PDSS2: variants seen among roughly 807,000 people sequenced by gnomAD.
The protein encoded by PDSS2 is decaprenyl diphosphate synthase subunit 2.
Under a neutral mutation model 44.5 loss-of-function variants are expected in PDSS2, and 31 were observed. That is an observed-to-expected ratio of 0.70 (90% CI 0.52 to 0.94). The LOEUF is 0.94. Among genes scored for constraint, PDSS2 ranks in the 40% least tolerant of loss-of-function variants. The pLI, the probability that PDSS2 is intolerant of heterozygous loss-of-function variation, is 0.00. For missense variants in PDSS2, 452 were observed against 482.2 expected, an observed-to-expected ratio of 0.94 and a Z score of 0.59; for synonymous variants, 157 against 180.3, an observed-to-expected ratio of 0.87 and a Z score of 1.03.
chr6:107,336,762 A>C (rs902914083), intron 1 of PDSS2, among the ~76,000 whole-genome samples: 3 of 149,910 alleles, frequency 2.0e-5, no homozygotes, highest in Admixed American at 6.7e-5. Context: ...CCTTTCTTTT[A>C]TAATAAAGAG....
Position 107,397,098 on chromosome 6 carries a change from A to T in PDSS2, c.296+61892T>A, listed in dbSNP as rs74912522. Among the ~76,000 whole-genome samples the T allele has an allele frequency of 9.0e-3, 1,373 of 152,204 alleles. 48 individuals carry two copies. The East Asian group carries it at 0.12, about 13-fold the overall frequency. ...CTATTTTCAAAAATCTCAAGGGTGA[A>T]ACTGTCAGTTGTCTGTGTAGGCATC... On this transcript the variant is annotated intron_variant, in intron 1 of 7. Coordinates refer to ENST00000369037, the MANE Select transcript of PDSS2 (RefSeq NM_020381.4).
At chr6:107,371,976 TAGTTG>T (rs1779139286) in intron 1 of PDSS2, among the ~76,000 whole-genome samples, 1 of 152,376 alleles carries the variant, frequency 6.6e-6, no homozygotes, top group East Asian at 1.9e-4. Flanking sequence ...AACTTACTTA[TAGTTG>T]AACCAAGGCA....
At chr6:107,331,860 A>T (rs377001775) in intron 2 of PDSS2, among the ~76,000 whole-genome samples, 1 of 152,096 alleles carries the variant, frequency 6.6e-6, no homozygotes, top group African/African-American at 2.4e-5. Flanking sequence ...GGTGCTCATT[A>T]TCTGTATGTG....
At chr6:107,364,952 G>C (rs1021599518) in intron 1 of PDSS2, among the ~76,000 whole-genome samples, 1 of 152,180 alleles carries the variant, frequency 6.6e-6, no homozygotes, top group Non-Finnish European at 1.5e-5. Flanking sequence ...GGGGGAGGCG[G>C]GGAAGGCTTG....
chr6:107,250,077 C>G (rs1364740060), intron 3 of PDSS2, among the ~76,000 whole-genome samples: 1 of 151,836 alleles, frequency 6.6e-6, no homozygotes, highest in Non-Finnish European at 1.5e-5. Flanking sequence ...TGATGAATAC[C>G]CTCACAAAGG....
At chr6:107,433,607 C>T (rs1262975237) in intron 1 of PDSS2, among the ~76,000 whole-genome samples, 5 of 152,154 alleles carry the variant, frequency 3.3e-5, no homozygotes, top group Non-Finnish European at 7.3e-5. Context: ...TCACTATACA[C>T]AAAAATCAAA....
At chr6:107,445,098 T>C (rs554499925) in intron 1 of PDSS2, among the ~76,000 whole-genome samples, 15 of 152,108 alleles carry the variant, frequency 9.9e-5, no homozygotes, top group African/African-American at 3.4e-4. Context: ...TCACTGCCTG[T>C]GAAACAACTA....
At chr6:107,154,798 G>A (rs781808977) in intron 7 of PDSS2, 21 bp from the exon 8 acceptor site, 1 of 1,612,850 alleles carries the variant, frequency 6.2e-7, no homozygotes, top group South Asian at 1.1e-5. Flanking sequence ...ACAAATGCAT[G>A]ATAAAAGTCA....
At chr6:107,178,342 T>C (rs1302150596) in intron 7 of PDSS2, among the ~76,000 whole-genome samples, 1 of 152,198 alleles carries the variant, frequency 6.6e-6, no homozygotes, top group Non-Finnish European at 1.5e-5. Context: ...AGTGTAATCA[T>C]ATCTGCAAGA....
At chr6:107,366,932 T>C (rs1778976270) in intron 1 of PDSS2, among the ~76,000 whole-genome samples, 1 of 152,146 alleles carries the variant, frequency 6.6e-6, no homozygotes, top group Admixed American at 6.5e-5. Context: ...AAAGAAATAC[T>C]GATTCTTCAC....
At chr6:107,182,902 GT>G (rs1772033612) in intron 7 of PDSS2, among the ~76,000 whole-genome samples, 1 of 152,152 alleles carries the variant, frequency 6.6e-6, no homozygotes, top group Non-Finnish European at 1.5e-5. Flanking sequence ...GAAATGAGGA[GT>G]GGGGGATTTA....
chr6:107,330,520 G>A (rs1311608129), intron 2 of PDSS2, among the ~76,000 whole-genome samples: 1 of 152,092 alleles, frequency 6.6e-6, no homozygotes, highest in East Asian at 1.9e-4. Context: ...AACCGAGAAA[G>A]TGGAACCATC....
intron 2 of PDSS2, among the ~76,000 whole-genome samples, chr6:107,275,970 A>C (rs1283123414): frequency 1.3e-5 from 2 of 151,870 alleles, no homozygotes; most frequent in African/African-American, 2.4e-5. Context: ...AAAAATAAAA[A>C]TTAGCTTGGT....
chr6:107,373,039 A>G (rs542104707), intron 1 of PDSS2, among the ~76,000 whole-genome samples: 1 of 145,976 alleles, frequency 6.9e-6, no homozygotes, highest in Non-Finnish European at 1.5e-5. Flanking sequence ...GCTGGAGTGC[A>G]GTGGTGTGAT....
intron 1 of PDSS2, among the ~76,000 whole-genome samples, chr6:107,433,406 G>A (rs528968233): frequency 1.3e-5 from 2 of 152,216 alleles, no homozygotes; most frequent in Admixed American, 1.3e-4. Context: ...CATGGTACTG[G>A]CATAAAAACA....
At chr6:107,401,026 G>A (rs918704597) in intron 1 of PDSS2, among the ~76,000 whole-genome samples, 1 of 152,168 alleles carries the variant, frequency 6.6e-6, no homozygotes, top group African/African-American at 2.4e-5. Context: ...GGACATCCAA[G>A]TACTTCTCCT....
chr6:107,203,104 T>C (rs11757987), intron 6 of PDSS2, among the ~76,000 whole-genome samples: 35,668 of 152,074 alleles, frequency 0.23, 5,131 homozygotes, highest in East Asian at 0.49. Flanking sequence ...AGGCTAATAG[T>C]AGAATTTAGT....
At chr6:107,386,172 T>C (rs908617732) in intron 1 of PDSS2, among the ~76,000 whole-genome samples, 3 of 152,134 alleles carry the variant, frequency 2.0e-5, no homozygotes, top group Non-Finnish European at 2.9e-5. Flanking sequence ...AATTATTTAA[T>C]AGTTATGTAT....
At chr6:107,371,744 T>C (rs1779133836) in intron 1 of PDSS2, among the ~76,000 whole-genome samples, 1 of 152,200 alleles carries the variant, frequency 6.6e-6, no homozygotes, top group Admixed American at 6.5e-5. Flanking sequence ...CTAGGACACC[T>C]TAGATGCCAG....
Sources: gnomAD v4.1 joint callset for allele counts (sites outside exome capture counted in the v4.1 genomes callset) on GRCh38, gnomAD v4.1.1 for gene constraint, MANE v1.5 for transcripts, NCBI Gene and HGNC (gene_info 2026-07-23, HGNC 2026-07-21) for gene names.